The following RNF32 variants were observed in gnomAD, a reference collection of about 807,000 sequenced individuals.
RNF32 encodes ring finger protein 32.
Under a neutral mutation model 41.0 loss-of-function variants are expected in RNF32, and 36 were observed. The observed-to-expected ratio is 0.88, with a 90% CI of 0.67 to 1.16. The LOEUF is 1.16. Ranked by LOEUF, RNF32 falls within the 50% of genes most tolerant of loss-of-function variation. The pLI is 0.00. For missense variants in RNF32, 413 were observed against 436.7 expected, an observed-to-expected ratio of 0.95 and a Z score of 0.48; for synonymous variants, 154 against 160.9, an observed-to-expected ratio of 0.96 and a Z score of 0.32.
chr7:156,657,470 G>T, intron 4 of RNF32, 71 bp from the exon 5 acceptor site: 5 of 1,449,744 alleles, frequency 3.4e-6, no homozygotes, highest in South Asian at 1.1e-5. Context: ...AAGCATTCAG[G>T]ATTTTAACTG....
chr7:156,651,215 CT>C (rs201556848), intron 3 of RNF32, among the ~76,000 whole-genome samples: 8,050 of 138,584 alleles, frequency 0.058, 546 homozygotes, highest in African/African-American at 0.18. Context: ...TTTAATATTT[CT>C]TTTTTTTTTT....
At chr7:156,640,714 G>C (rs1393524214), upstream of RNF32, 1 of 281,754 alleles carries the variant, frequency 3.5e-6, no homozygotes, top group Non-Finnish European at 6.9e-6. Context: ...AGCGAGCGCG[G>C]AGGCGGGCGT....
At chr7:156,664,471 GAAAGAA>G (rs1378915487) in intron 7 of RNF32, among the ~76,000 whole-genome samples, 2 of 151,824 alleles carry the variant, frequency 1.3e-5, no homozygotes, top group African/African-American at 2.4e-5. Flanking sequence ...AAAAAAAAAA[GAAAGAA>G]AAAGAAAAAC....
chr7:156,643,788 C>G lies in RNF32; in HGVS notation c.-77-13C>G. On this transcript the variant is annotated splice_polypyrimidine_tract_variant and intron_variant, in intron 1 of 8. Transcript: ENST00000317955. The stretch of plus-strand genomic sequence containing the variant: ...ACTGTAACTTTGACTTTCTGTTGAC[C>G]ACGTCTTTGCAGCAGAAGAATAGAA... 1.7e-6 allele frequency: 2 copies of G among 1,203,880 alleles called. No homozygotes were observed. Among genetic ancestry groups the G allele is most frequent in the South Asian group, 1.3e-5 (1 of 79,654 alleles). 74.6% of individuals were successfully genotyped at this position (1,203,880 alleles called of 1,614,324 possible). A position where few individuals can be genotyped will look rare whatever the true frequency, so the allele number is the denominator to read the frequency against.
At chr7:156,676,267 A>C (rs183395239) in intron 8 of RNF32, 152 bp from the exon 9 acceptor site, 1 of 1,549,904 alleles carries the variant, frequency 6.5e-7, no homozygotes, top group East Asian at 2.4e-5. Context: ...GTATATATAT[A>C]AATAAAATGC....
chr7:156,654,103 T>G (rs1286119321), intron 3 of RNF32: 2 of 152,256 alleles, frequency 1.3e-5, no homozygotes, highest in Non-Finnish European at 2.9e-5. Flanking sequence ...CCACTGACTT[T>G]TGCGCCCTCA....
At chr7:156,666,405 A>G (rs1185340966) in intron 7 of RNF32, among the ~76,000 whole-genome samples, 3 of 152,238 alleles carry the variant, frequency 2.0e-5, no homozygotes, top group African/African-American at 7.2e-5. Context: ...ATGCTTGCAT[A>G]CACTGCAGGT....
At chr7:156,675,579 T>A in intron 7 of RNF32, 117 bp from the exon 8 acceptor site, 1 of 768,116 alleles carries the variant, frequency 1.3e-6, no homozygotes, top group Non-Finnish European at 2.2e-6. Context: ...CTAAAAAGTA[T>A]TATTCGAAGA....
chr7:156,664,182 C>T (rs1801026950), intron 7 of RNF32, among the ~76,000 whole-genome samples: 3 of 152,246 alleles, frequency 2.0e-5, no homozygotes, highest in Admixed American at 2.0e-4. Flanking sequence ...ATTGCAAGGG[C>T]CGGGCGCGGT....
chr7:156,670,389 T>C lies in RNF32; in HGVS notation c.685-5307T>C, dbSNP rs1346244314. Among the ~76,000 whole-genome samples, 1 of 152,154 alleles carries C rather than the reference T, an allele frequency of 6.6e-6. No individual in the cohort carries two copies. Reference sequence around the variant, plus strand: ...CCCCTGGAAAGCGGGTCCAGGGAAGTGACTTGCCTAAGAGAGGATGTGGCG... The same window carrying C: ...CCCCTGGAAAGCGGGTCCAGGGAAGCGACTTGCCTAAGAGAGGATGTGGCG... On this transcript the variant is annotated intron_variant, in intron 7 of 8. Transcript: ENST00000317955. The surrounding 1 kb of genome is among the most constrained non-coding windows in gnomAD (Gnocchi z 4.3).
intron 1 of RNF32, among the ~76,000 whole-genome samples, chr7:156,642,562 C>T (rs1447368879): frequency 2.0e-5 from 3 of 152,220 alleles, no homozygotes; most frequent in Non-Finnish European, 4.4e-5. Context: ...ATACCGTATG[C>T]TTTACGAGTT....
intron 7 of RNF32, among the ~76,000 whole-genome samples, chr7:156,672,140 A>G (rs527983910): frequency 1.5e-4 from 23 of 152,348 alleles, no homozygotes; most frequent in Non-Finnish European, 3.1e-4. Flanking sequence ...TACACCAGTT[A>G]CCATTAAGAC....
chr7:156,658,387 C>T lies in RNF32; in HGVS notation c.576-75C>T. The T allele has an allele frequency of 3.3e-6, 5 of 1,497,802 alleles. No individual in the cohort carries two copies. The East Asian group carries it at 9.0e-5, about 27-fold the overall frequency. 92.8% of individuals were successfully genotyped at this position (1,497,802 alleles called of 1,614,324 possible). ...CCCCAGGGCCTTGTACAGCACAGGG[C>T]TTATAACAACTACTGAAGTATTGGT... On this transcript the variant is annotated intron_variant, in intron 6 of 8. Transcript: ENST00000317955.
rs1800098158 is a variant in RNF32, at chr7:156,658,527, C to T, written c.641C>T (p.Pro214Leu). Reference protein sequence around the residue: ...KWYRNLRKTVPPTDAKLRKKF... With the variant: ...KWYRNLRKTVLPTDAKLRKKF... ...TACAGAAACCTGAGGAAAACAGTACCTCCCACAGATGCCAAGTTAAGAAAA... is the reference window on the plus strand; with the variant it reads ...TACAGAAACCTGAGGAAAACAGTACTTCCCACAGATGCCAAGTTAAGAAAA... Residue 214 changes from proline to leucine, a missense_variant, in exon 7 of 9, where the codon CCT becomes CTT. Pro to Leu is a moderately conservative substitution (Grantham distance 98). Coordinates refer to ENST00000317955, the MANE Select transcript of RNF32 (RefSeq NM_030936.4). The T allele has an allele frequency of 6.2e-7, 1 of 1,613,378 alleles. No individual in the cohort carries two copies.
chr7:156,676,382 T>C (rs765727420), intron 8 of RNF32, 37 bp from the exon 9 acceptor site: 2 of 1,613,868 alleles, frequency 1.2e-6, no homozygotes, highest in Non-Finnish European at 1.7e-6. Context: ...GTGATGAAAC[T>C]AACCCGCGTG....
chr7:156,640,208 G>C, upstream of RNF32: 1 of 453,574 alleles, frequency 2.2e-6, no homozygotes, highest in Non-Finnish European at 4.4e-6. Context: ...AGCGGCGCGG[G>C]GGGATCGGGG....
At chr7:156,659,265 A>G (rs1181072038) in intron 7 of RNF32, 2 of 1,030,870 alleles carry the variant, frequency 1.9e-6, no homozygotes, top group African/African-American at 3.4e-5. Context: ...ATAATGGCCC[A>G]GCACACAGTA....
chr7:156,658,127 G>A lies in RNF32; in HGVS notation c.451-1G>A, dbSNP rs375202066. On this transcript the variant is annotated splice_acceptor_variant, in intron 5 of 8. Transcript: ENST00000317955. LOFTEE classifies it high-confidence loss of function. ...ATTTTAAGTGAAATGTTTTTCTTCA[G>A]GCATGTCTTCAGGCTTTTGAAAAGT... 6.2e-7 allele frequency: 1 copy of A among 1,610,812 alleles called. No homozygotes were observed. The highest frequency in any genetic ancestry group is 1.3e-5 in the African/African-American group (1 of 74,760).
chr7:156,654,881 G>A (rs1200917278), intron 4 of RNF32, 163 bp downstream of exon 4: 5 of 584,912 alleles, frequency 8.5e-6, no homozygotes, highest in South Asian at 2.6e-5. Context: ...AGTGTGTGAA[G>A]AGCTAAACAC....
Sources: allele counts gnomAD v4.1 joint callset (sites outside exome capture counted in the v4.1 genomes callset), GRCh38; gene constraint gnomAD v4.1.1; non-coding constraint Gnocchi (gnomAD v3.1); transcripts MANE v1.5; gene names NCBI Gene and HGNC (gene_info 2026-07-23, HGNC 2026-07-21).